Variants in SORBS2 observed in about 807,000 individuals in gnomAD.
SORBS2 encodes the protein sorbin and SH3 domain containing 2.
SORBS2 carries 46 observed loss-of-function variants against 97.7 expected under a neutral mutation model. The observed-to-expected ratio is 0.47, with a 90% confidence interval of 0.37 to 0.60. SORBS2 has a LOEUF of 0.60. Ranked by LOEUF, SORBS2 falls within the 20% of genes least tolerant of loss-of-function variation. The pLI, the probability that SORBS2 is intolerant of heterozygous loss-of-function variation, is 0.00. For synonymous variants in SORBS2, 476 were observed against 473.4 expected (o/e 1.01, Z -0.07); for missense variants, 1,316 against 1,282.3 (o/e 1.03, Z -0.40).
chr4:185,743,950 C>G (rs1192991015), intron 2 of SORBS2, among the ~76,000 whole-genome samples: 1 of 147,600 alleles, frequency 6.8e-6, no homozygotes, highest in Non-Finnish European at 1.5e-5. Flanking sequence ...TTCTCCTCCT[C>G]CTTCTTCTCC....
intron 12 of SORBS2, among the ~76,000 whole-genome samples, chr4:185,599,081 G>A (rs1388579699): frequency 2.0e-5 from 3 of 152,212 alleles, no homozygotes; most frequent in Non-Finnish European, 4.4e-5. Context: ...GCAACAAAAT[G>A]AGGTCTTCCT....
intron 2 of SORBS2, among the ~76,000 whole-genome samples, chr4:185,731,618 CCCTG>C (rs1458482547): frequency 8.4e-6 from 1 of 119,034 alleles, no homozygotes; most frequent in East Asian, 2.8e-4. Flanking sequence ...CTCTCTCCCT[CCCTG>C]CCTATCTCTC....
chr4:185,636,152 C>T (rs1176659348), intron 4 of SORBS2, among the ~76,000 whole-genome samples: 1 of 151,970 alleles, frequency 6.6e-6, no homozygotes, highest in African/African-American at 2.4e-5. Context: ...AGTCACCACG[C>T]CTGGCCGTCC....
exon 4 of SORBS2, chr4:185,678,476 T>C (rs1320735947): frequency 3.2e-6 from 5 of 1,551,142 alleles, no homozygotes; most frequent in Non-Finnish European, 4.4e-6. Context: ...CTAAAACCTT[T>C]TGCTGCAAGA....
chr4:185,661,827 C>G (rs1052812611), upstream of SORBS2, among the ~76,000 whole-genome samples: 1 of 152,190 alleles, frequency 6.6e-6, no homozygotes, highest in African/African-American at 2.4e-5. Flanking sequence ...TGGCACAAAC[C>G]CCCTTGCCCT....
At chr4:185,654,791 T>C (rs546358811) in intron 1 of SORBS2, among the ~76,000 whole-genome samples, 4 of 121,286 alleles carry the variant, frequency 3.3e-5, no homozygotes, top group South Asian at 2.9e-4. Context: ...AAATAGCTAC[T>C]AGCAATTCAC....
rs144466119 is a variant in SORBS2 at position 185,881,449 on chromosome 4, T to C, written c.-338+74747A>G. Among the ~76,000 whole-genome samples, 455 of 152,298 alleles carry C rather than the reference T, an allele frequency of 3.0e-3. 7 individuals carry two copies. Among genetic ancestry groups the C allele is most frequent in the East Asian group, 6.9e-3 (36 of 5,188 alleles). ...CAGAATAATTGACACCAAAATACTT[T>C]CTTTCAAAATTACTTGACATCAAGC... On this transcript the variant is annotated intron_variant, in intron 1 of 20. Coordinates refer to the SORBS2 transcript ENST00000284776.
At chr4:185,651,067 GA>G (rs751798865) in intron 2 of SORBS2, among the ~76,000 whole-genome samples, 31 of 152,084 alleles carry the variant, frequency 2.0e-4, no homozygotes, top group Non-Finnish European at 8.8e-5. Context: ...CTGGTCTAAA[GA>G]AAGAAGAAAA....
At chr4:185,725,889 A>T (rs1304084104) in intron 2 of SORBS2, among the ~76,000 whole-genome samples, 2 of 152,114 alleles carry the variant, frequency 1.3e-5, no homozygotes, top group African/African-American at 4.8e-5. Context: ...ACACAACATG[A>T]TCCTAACCTA....
chr4:185,680,145 C>T (rs1040072956), intron 2 of SORBS2, among the ~76,000 whole-genome samples: 1 of 151,960 alleles, frequency 6.6e-6, no homozygotes, highest in Non-Finnish European at 1.5e-5. Flanking sequence ...TTTATTGGAC[C>T]CTACTTCTAG....
chr4:185,875,038 T>C (rs2099232699), intron 1 of SORBS2, among the ~76,000 whole-genome samples: 2 of 152,148 alleles, frequency 1.3e-5, no homozygotes, highest in South Asian at 4.1e-4. Flanking sequence ...AGGCAGTCAT[T>C]TGGAAATTCC....
intron 1 of SORBS2, among the ~76,000 whole-genome samples, chr4:185,872,989 T>G (rs2099231249): frequency 6.6e-6 from 1 of 152,206 alleles, no homozygotes; most frequent in African/African-American, 2.4e-5. Flanking sequence ...CACCTCTGCT[T>G]TAGTCACCAG....
intron 1 of SORBS2, among the ~76,000 whole-genome samples, chr4:185,880,874 G>A (rs941193376): frequency 1.1e-4 from 16 of 152,218 alleles, no homozygotes; most frequent in African/African-American, 3.9e-4. Context: ...GATCTGGGAA[G>A]TATTGTCTGT....
At chr4:185,879,678 C>A (rs2099235898) in intron 1 of SORBS2, among the ~76,000 whole-genome samples, 1 of 141,440 alleles carries the variant, frequency 7.1e-6, no homozygotes, top group Admixed American at 7.1e-5. Context: ...CTCTCCAGCA[C>A]CTGTTGTTTC....
At chr4:185,897,572 T>C (rs1356633747) in intron 1 of SORBS2, among the ~76,000 whole-genome samples, 2 of 152,178 alleles carry the variant, frequency 1.3e-5, no homozygotes, top group Non-Finnish European at 2.9e-5. Context: ...CTTTTGTGAG[T>C]TGATTTTTCA....
chr4:185,891,126 C>A (rs1274037908), intron 1 of SORBS2, among the ~76,000 whole-genome samples: 1 of 151,910 alleles, frequency 6.6e-6, no homozygotes, highest in African/African-American at 2.4e-5. Context: ...TCTGCTTATT[C>A]TTTGTTTTTT....
intron 5 of SORBS2, among the ~76,000 whole-genome samples, chr4:185,629,306 A>T (rs868156021): frequency 6.6e-6 from 1 of 151,976 alleles, no homozygotes; most frequent in African/African-American, 2.4e-5. Flanking sequence ...CTAAAATTCA[A>T]ATATTTTAGG....
intron 2 of SORBS2, among the ~76,000 whole-genome samples, chr4:185,743,595 A>T (rs1044450653): frequency 2.0e-5 from 3 of 152,164 alleles, no homozygotes; most frequent in Non-Finnish European, 4.4e-5. Flanking sequence ...TAGCTTCAAA[A>T]TCTATTCAGT....
intron 1 of SORBS2, among the ~76,000 whole-genome samples, chr4:185,823,850 G>C (rs1174757732): frequency 6.6e-6 from 1 of 152,140 alleles, no homozygotes; most frequent in Admixed American, 6.5e-5. Context: ...AGTCAGGCTG[G>C]TTTGTCTGCG....
Sources: gnomAD v4.1 joint callset for allele counts (sites outside exome capture counted in the v4.1 genomes callset) on GRCh38, gnomAD v4.1.1 for gene constraint, MANE v1.5 for transcripts, NCBI Gene and HGNC (gene_info 2026-07-23, HGNC 2026-07-21) for gene names.